Variants in TDRD9 observed in about 807,000 individuals in gnomAD.
TDRD9 encodes ATP-dependent RNA helicase TDRD9.
In TDRD9, 124 loss-of-function variants were observed where a neutral mutation model predicts 172.6. The observed-to-expected ratio is 0.72, with a 90% CI of 0.62 to 0.83. The LOEUF is 0.83. Among genes scored for constraint, TDRD9 ranks in the 40% least tolerant of loss-of-function variants. The pLI is 0.00. For missense variants in TDRD9, 1,479 were observed against 1,714.1 expected (o/e 0.86, Z 2.42); for synonymous variants, 619 against 617.1 (o/e 1.00, Z -0.05).
At chr14:104,026,189 T>TG in intron 27 of TDRD9, 53 bp downstream of exon 27, 1 of 1,255,660 alleles carries the variant, frequency 8.0e-7, no homozygotes, top group Non-Finnish European at 1.2e-6. Context: ...ACAGGATTCC[T>TG]GGGTGGATTC....
intron 1 of TDRD9, among the ~76,000 whole-genome samples, chr14:103,938,380 ATATG>A (rs1447648661): frequency 2.7e-4 from 10 of 37,246 alleles, no homozygotes; most frequent in African/African-American, 7.2e-4. Context: ...TGTGCCCCAT[ATATG>A]TGTGTGTGTG....
intron 8 of TDRD9, among the ~76,000 whole-genome samples, chr14:103,989,142 A>C (rs1595953212): frequency 6.6e-6 from 1 of 152,050 alleles, no homozygotes; most frequent in East Asian, 1.9e-4. Flanking sequence ...CTTGATCGAC[A>C]GTTGTTTTCT....
At position 104,026,056 on chromosome 14, in the gene TDRD9, G is replaced by A. The variant is rs1171926269; in HGVS notation, c.2941G>A (p.Val981Ile). 1.2e-6 allele frequency: 2 copies of A among 1,605,684 alleles called. No homozygotes were observed. The highest frequency in any genetic ancestry group is 1.3e-5 in the African/African-American group (1 of 74,888). Residue 981 changes from valine (V) to isoleucine (I), a missense_variant, in exon 27 of 36, where the codon GTA becomes ATA. Physicochemically the swap from Val to Ile is conservative, Grantham distance 29. Coordinates refer to ENST00000409874, the MANE Select transcript of TDRD9 (RefSeq NM_153046.3). ...TTGCTTTATTTTCTAGGTATTCTTT[G>A]TAGATTATGGCAATAAGTCTCATGT... ...VSGNSAEVFF[V>I]DYGNKSHVDL... is the part of the protein sequence containing the mutation.
chr14:104,021,962 T>C (rs1473495590), intron 23 of TDRD9, among the ~76,000 whole-genome samples, 195 bp from the exon 24 acceptor site: 1 of 152,228 alleles, frequency 6.6e-6, no homozygotes, highest in Admixed American at 6.5e-5. Flanking sequence ...GACATGTCAT[T>C]ATAACTTTTA....
At chr14:104,022,682 G>T (rs2034995683) in intron 24 of TDRD9, among the ~76,000 whole-genome samples, 1 of 151,872 alleles carries the variant, frequency 6.6e-6, no homozygotes, top group Admixed American at 6.6e-5. Flanking sequence ...AGCCGAGATT[G>T]CACCACTGCA....
intron 1 of TDRD9, among the ~76,000 whole-genome samples, chr14:103,949,955 C>T (rs980703264): frequency 2.6e-5 from 4 of 151,982 alleles, no homozygotes; most frequent in African/African-American, 7.3e-5. Flanking sequence ...GGATTACAGG[C>T]ATGAGCCACC....
At position 103,997,069 on chromosome 14, in the gene TDRD9, A is replaced by G. The variant is rs1340829995; in HGVS notation, c.1378+1262A>G. Among the ~76,000 whole-genome samples the G allele has an allele frequency of 6.6e-6, 1 of 152,204 alleles. No individual in the cohort carries two copies. The highest frequency in any genetic ancestry group is 1.9e-4 in the East Asian group (1 of 5,186). ...GGCCTGGGGGTAGCAGGGGCCATGC[A>G]GGGCCCATAGGACCTGGTACAACCT... On this transcript the variant is annotated intron_variant, in intron 12 of 35. Coordinates refer to ENST00000409874, the MANE Select transcript of TDRD9 (RefSeq NM_153046.3). The surrounding 1 kb of genome is among the most constrained non-coding windows in gnomAD (Gnocchi z 5.1).
intron 8 of TDRD9, 151 bp from the exon 9 acceptor site, chr14:103,991,009 G>C: frequency 1.1e-6 from 1 of 873,532 alleles, no homozygotes; most frequent in South Asian, 2.0e-5. Flanking sequence ...ATCTTTTTGG[G>C]CTTCGTGTTT....
intron 7 of TDRD9, among the ~76,000 whole-genome samples, chr14:103,983,945 G>A (rs1281789356): frequency 2.0e-5 from 3 of 152,160 alleles, no homozygotes; most frequent in African/African-American, 7.2e-5. Flanking sequence ...GGAACTTGTT[G>A]GGGACTGGAG....
At chr14:104,029,198 G>A (rs1038847041) in intron 28 of TDRD9, among the ~76,000 whole-genome samples, 2 of 152,204 alleles carry the variant, frequency 1.3e-5, no homozygotes, top group African/African-American at 2.4e-5. Context: ...CTTTAGGATT[G>A]TTTTTTCTAT....
In TDRD9 at chr14:104,035,030, G is replaced by GTTA; in HGVS notation, c.3693_3695dup (p.Leu1231dup). The GTTA allele has an allele frequency of 6.4e-7, 1 of 1,551,756 alleles. No individual in the cohort carries two copies. Among genetic ancestry groups the GTTA allele is most frequent in the Non-Finnish European group, 8.7e-7 (1 of 1,146,956 alleles). On this transcript the variant is annotated inframe_insertion, in exon 32 of 36. Transcript: ENST00000409874. ...CTGGCCTCCCGGCTCTCCTCAGCATGTTATTCGCACCGGTGATAGAGTTAA... is the reference window on the plus strand; with the variant it reads ...CTGGCCTCCCGGCTCTCCTCAGCATGTTATTATTCGCACCGGTGATAGAGTTAA...
chr14:104,017,271 G>T (rs1001689052), intron 22 of TDRD9, among the ~76,000 whole-genome samples: 3 of 151,862 alleles, frequency 2.0e-5, no homozygotes, highest in African/African-American at 7.3e-5. Flanking sequence ...ATTACCTAGT[G>T]TGTACATCAT....
intron 1 of TDRD9, among the ~76,000 whole-genome samples, chr14:103,929,086 A>C (rs781767284): frequency 3.6e-4 from 54 of 152,088 alleles, no homozygotes; most frequent in South Asian, 8.3e-4. Flanking sequence ...TATTTGTGAC[A>C]GTCGGCGAAC....
At chr14:103,935,777 A>G (rs2030721855) in intron 1 of TDRD9, among the ~76,000 whole-genome samples, 2 of 152,254 alleles carry the variant, frequency 1.3e-5, no homozygotes, top group Admixed American at 6.5e-5. Flanking sequence ...GCCCACTTTA[A>G]TCAACAGCTT....
In TDRD9 at chr14:103,953,807, C is replaced by T. The variant is rs560781724; in HGVS notation, c.216-1857C>T. 2.0e-5 allele frequency among the ~76,000 whole-genome samples: 3 copies of T among 152,258 alleles called. No individual in the cohort carries two copies. The South Asian group carries it at 6.2e-4, about 32-fold the overall frequency. ...CCAGTTCAAAAAGAGAGTATTTACCCTTCCTTATCCTTTTTGTTCTGCCCG... is the reference window on the plus strand; with the variant it reads ...CCAGTTCAAAAAGAGAGTATTTACCTTTCCTTATCCTTTTTGTTCTGCCCG... On this transcript the variant is annotated intron_variant, in intron 1 of 35. Coordinates refer to ENST00000409874, the MANE Select transcript of TDRD9 (RefSeq NM_153046.3).
At chr14:103,957,157 T>G (rs547154364) in intron 2 of TDRD9, among the ~76,000 whole-genome samples, 2 of 152,350 alleles carry the variant, frequency 1.3e-5, no homozygotes, top group South Asian at 4.1e-4. Context: ...AGCCATCATC[T>G]ATGGCCCACT....
In TDRD9 at chr14:103,994,404, C is replaced by G; in HGVS notation, c.1235+18C>G. ...CATAAAAGGTATGTTGAAAATGATA[C>G]AGCTGTATTCTTCTAAGCCATTGCA... On this transcript the variant is annotated intron_variant, in intron 10 of 35. Transcript: ENST00000409874. The G allele has an allele frequency of 1.2e-6, 2 of 1,611,254 alleles. No individual in the cohort carries two copies. The highest frequency in any genetic ancestry group is 1.7e-6 in the Non-Finnish European group (2 of 1,177,490).
Position 104,025,728 on chromosome 14 carries a change from A to G in TDRD9, c.2883A>G (p.Gln961=), listed in dbSNP as rs367638250. Reference sequence around the variant, plus strand: ...CACCTTTTGCTGATTTTGATAAACAACGCTACTTTAGAGCTCAAGTCCTTT... The same window carrying G: ...CACCTTTTGCTGATTTTGATAAACAGCGCTACTTTAGAGCTCAAGTCCTTT... ...CLAPFADFDK[Q]RYFRAQVLYV... Residue 961 remains glutamine, a synonymous_variant, in exon 26 of 36, where the codon CAA becomes CAG. Transcript: ENST00000409874. The G allele has an allele frequency of 1.7e-5, 27 of 1,613,928 alleles. No individual in the cohort carries two copies. Among genetic ancestry groups the G allele is most frequent in the Non-Finnish European group, 2.1e-5 (25 of 1,179,910 alleles).
intron 2 of TDRD9, among the ~76,000 whole-genome samples, chr14:103,957,801 G>T (rs1316379092): frequency 6.6e-6 from 1 of 152,346 alleles, no homozygotes; most frequent in East Asian, 1.9e-4. Flanking sequence ...CACACCCTGC[G>T]TGCTGGGCCT....
Sources: allele counts gnomAD v4.1 joint callset (sites outside exome capture counted in the v4.1 genomes callset), GRCh38; gene constraint gnomAD v4.1.1; non-coding constraint Gnocchi (gnomAD v3.1); transcripts MANE v1.5; gene names NCBI Gene and HGNC (gene_info 2026-07-23, HGNC 2026-07-21).